The following TBC1D5 variants were observed in gnomAD, a reference collection of about 807,000 sequenced individuals.
TBC1D5 encodes the protein TBC1 domain family member 5, also known as TBC1 domain family, member 5.
A neutral mutation model predicts 100.3 loss-of-function variants in TBC1D5; 75 were observed. The ratio of observed to expected loss-of-function variants is 0.75; its 90% CI spans 0.62 to 0.91. TBC1D5 has a LOEUF of 0.91. Ranked by LOEUF, TBC1D5 falls within the 40% of genes least tolerant of loss-of-function variation. The probability of loss-of-function intolerance (pLI) is 0.00; values close to 1 mark genes in which losing one functional copy is unlikely to be tolerated. For synonymous variants in TBC1D5, 323 were observed against 325.6 expected (o/e 0.99, Z 0.09); for missense variants, 910 against 942.4 (o/e 0.97, Z 0.45).
chr3:17,484,940 GAAT>G (rs955211109), intron 3 of TBC1D5, among the ~76,000 whole-genome samples: 11 of 152,136 alleles, frequency 7.2e-5, no homozygotes, highest in African/African-American at 2.6e-4. Context: ...AAATTAAAGA[GAAT>G]AATATATTCA....
At chr3:17,615,078 G>A (rs1411252790) in intron 2 of TBC1D5, among the ~76,000 whole-genome samples, 2 of 152,140 alleles carry the variant, frequency 1.3e-5, no homozygotes, top group Non-Finnish European at 2.9e-5. Context: ...AGTTTATTGA[G>A]AGTTTTTAGC....
chr3:17,408,354 G>A (rs2093830440), intron 4 of TBC1D5, among the ~76,000 whole-genome samples: 1 of 151,002 alleles, frequency 6.6e-6, no homozygotes, highest in Non-Finnish European at 1.5e-5. Context: ...TGGTCATCAG[G>A]ATGGAGTACA....
intron 13 of TBC1D5, among the ~76,000 whole-genome samples, chr3:17,314,961 G>A (rs2150752818): frequency 6.6e-6 from 1 of 152,316 alleles, no homozygotes; most frequent in Middle Eastern, 3.4e-3. Flanking sequence ...AAGATTTAAT[G>A]AGAGCCTGAT....
intron 19 of TBC1D5, among the ~76,000 whole-genome samples, chr3:17,180,965 T>C (rs959375874): frequency 1.3e-5 from 2 of 151,292 alleles, no homozygotes; most frequent in Non-Finnish European, 2.9e-5. Flanking sequence ...GATGGAGTTC[T>C]CTCGATATGA....
At chr3:17,634,421 G>C (rs2063734387) in intron 1 of TBC1D5, among the ~76,000 whole-genome samples, 1 of 152,076 alleles carries the variant, frequency 6.6e-6, no homozygotes, top group African/African-American at 2.4e-5. Context: ...CTATCATCTG[G>C]AACAACATGG....
intron 3 of TBC1D5, among the ~76,000 whole-genome samples, chr3:17,479,715 G>T (rs2095478850): frequency 6.6e-6 from 1 of 152,184 alleles, no homozygotes; most frequent in Non-Finnish European, 1.5e-5. Flanking sequence ...TTATGTACCT[G>T]TAGTCCTAGC....
intron 1 of TBC1D5, among the ~76,000 whole-genome samples, chr3:17,646,624 C>A (rs770954468): frequency 1.6e-4 from 25 of 152,114 alleles, no homozygotes; most frequent in Non-Finnish European, 2.6e-4. Context: ...CACCATCATG[C>A]CCCTGGACTA....
chr3:17,658,406 G>C (rs995422037), intron 1 of TBC1D5, among the ~76,000 whole-genome samples: 3 of 152,148 alleles, frequency 2.0e-5, no homozygotes, highest in African/African-American at 7.2e-5. Context: ...AATTACAGTT[G>C]CTCTTAGTTA....
chr3:17,581,057 G>A (rs994014749), intron 2 of TBC1D5, among the ~76,000 whole-genome samples: 1 of 152,166 alleles, frequency 6.6e-6, no homozygotes, highest in African/African-American at 2.4e-5. Flanking sequence ...GGAAGTAACT[G>A]AATCATGGGG....
intron 13 of TBC1D5, among the ~76,000 whole-genome samples, chr3:17,318,578 G>A (rs1237791993): frequency 6.6e-6 from 1 of 152,080 alleles, no homozygotes; most frequent in Non-Finnish European, 1.5e-5. Context: ...GGCAGGAACA[G>A]GCATTTTACT....
intron 2 of TBC1D5, among the ~76,000 whole-genome samples, chr3:17,572,001 T>C (rs1468435946): frequency 2.0e-5 from 3 of 151,928 alleles, no homozygotes; most frequent in African/African-American, 4.8e-5. Context: ...ATAAGCAAAA[T>C]TTGCTCTGCC....
At chr3:17,223,697 C>CA (rs1467777689) in intron 17 of TBC1D5, among the ~76,000 whole-genome samples, 1 of 152,074 alleles carries the variant, frequency 6.6e-6, no homozygotes, top group Non-Finnish European at 1.5e-5. Context: ...CCCATCTCTA[C>CA]AAAAAATATA....
intron 14 of TBC1D5, among the ~76,000 whole-genome samples, chr3:17,300,794 C>T (rs1012939931): frequency 3.3e-5 from 5 of 152,028 alleles, no homozygotes; most frequent in Admixed American, 6.6e-5. Flanking sequence ...AATCTAGGCC[C>T]GGCGTGGTGG....
Position 17,466,608 on chromosome 3 carries a change from G to C in TBC1D5, c.98-38089C>G, listed in dbSNP as rs1401892587. 2.0e-5 allele frequency among the ~76,000 whole-genome samples: 3 copies of C among 152,088 alleles called. No homozygotes were observed. In the East Asian group the frequency reaches 5.8e-4, roughly 29 times the overall value. ...AATATATTAGTTCCCAGTATAATTT[G>C]GGTTGGGAGATACTTATCCAATAGA... On this transcript the variant is annotated intron_variant, in intron 3 of 21. Transcript: ENST00000253692.
chr3:17,408,255 C>T (rs1291956390), intron 4 of TBC1D5, among the ~76,000 whole-genome samples: 1 of 148,456 alleles, frequency 6.7e-6, no homozygotes, highest in African/African-American at 2.5e-5. Flanking sequence ...GAAAAGCCCT[C>T]AGAAGACTAT....
intron 1 of TBC1D5, among the ~76,000 whole-genome samples, chr3:17,730,898 A>T (rs1305561350): frequency 6.6e-6 from 1 of 152,178 alleles, no homozygotes; most frequent in Non-Finnish European, 1.5e-5. Flanking sequence ...ATGAGTAAAA[A>T]GGTAATTATA....
In TBC1D5 at chr3:17,440,912, G is replaced by A. The variant is rs115840931; in HGVS notation, c.98-12393C>T. Among the ~76,000 whole-genome samples the A allele has an allele frequency of 3.5e-3, 527 of 152,228 alleles. 3 individuals are homozygous for A. The highest frequency in any genetic ancestry group is 0.012 in the African/African-American group (512 of 41,522). On this transcript the variant is annotated intron_variant, in intron 3 of 21. Coordinates refer to ENST00000253692, the Ensembl canonical transcript of TBC1D5. ...CCGCCTTTGCCTCCCAAAGTGCTGG[G>A]ATTATGGTCATGAGCCACCGTGTCC...
chr3:17,326,124 C>A (rs2086104958), intron 13 of TBC1D5, among the ~76,000 whole-genome samples: 1 of 151,922 alleles, frequency 6.6e-6, no homozygotes, highest in South Asian at 2.1e-4. Context: ...AAACAGGCAC[C>A]CTCACACACA....
In TBC1D5 at chr3:17,273,462, C is replaced by T. The variant is rs556472674; in HGVS notation, c.1246-14871G>A. On this transcript the variant is annotated intron_variant, in intron 15 of 21. Coordinates refer to ENST00000253692, the Ensembl canonical transcript of TBC1D5. ...CTAGGCATACATTCCCAATTACCCT[C>T]TGGATATTTCTACCTGGATATCCCA... Among the ~76,000 whole-genome samples, 8 of 152,296 alleles carry T rather than the reference C, an allele frequency of 5.3e-5. No individual in the cohort carries two copies. The South Asian group carries it at 1.2e-3, about 24-fold the overall frequency.
Sources: gnomAD v4.1 joint callset for allele counts (sites outside exome capture counted in the v4.1 genomes callset) on GRCh38, gnomAD v4.1.1 for gene constraint, MANE v1.5 for transcripts, NCBI Gene and HGNC (gene_info 2026-07-23, HGNC 2026-07-21) for gene names.